Variants in CDYL observed in about 807,000 individuals in gnomAD.
CDYL encodes chromodomain Y-like protein.
A neutral mutation model predicts 47.3 loss-of-function variants in CDYL; 8 were observed. That is an observed-to-expected ratio of 0.17 (90% CI 0.10 to 0.31). CDYL has a LOEUF of 0.31. Among genes scored for constraint, CDYL ranks in the 10% least tolerant of loss-of-function variants. The pLI is 1.00. For synonymous variants in CDYL, 266 were observed against 265.0 expected (o/e 1.00, Z -0.04); for missense variants, 471 against 701.4 (o/e 0.67, Z 3.71).
chr6:4,889,223 T>C (rs1289937094), intron 1 of CDYL, among the ~76,000 whole-genome samples: 3 of 147,298 alleles, frequency 2.0e-5, no homozygotes, highest in Non-Finnish European at 4.5e-5. Context: ...TTTTCATACC[T>C]TTTTTTTTTT....
chr6:4,884,186 A>G (rs1761840308), intron 1 of CDYL, among the ~76,000 whole-genome samples: 1 of 152,344 alleles, frequency 6.6e-6, no homozygotes, highest in East Asian at 1.9e-4. Flanking sequence ...CACATCTTGT[A>G]TTATCCGTGT....
chr6:4,913,906 C>T (rs1033207944), intron 2 of CDYL, among the ~76,000 whole-genome samples: 44 of 152,366 alleles, frequency 2.9e-4, no homozygotes, highest in African/African-American at 1.0e-3. Context: ...CCGGGTCTAG[C>T]CTGTTGGCCA....
At chr6:4,850,413 G>A (rs913492237) in intron 1 of CDYL, among the ~76,000 whole-genome samples, 2 of 152,154 alleles carry the variant, frequency 1.3e-5, no homozygotes, top group South Asian at 2.1e-4. Flanking sequence ...ATGTTTTAGC[G>A]AAAAAGTTTA....
At position 4,892,245 on chromosome 6, in the gene CDYL, C is replaced by T. The variant is rs145170473; in HGVS notation, c.557C>T (p.Pro186Leu). ...GCACCCGAAGTGGCAGCGGAAAAGC[C>T]GGTCGGAGCTTTATTGGGCCCCGGT... ...TVAPEVAAEK[P>L]VGALLGPGAE... is the part of the protein sequence containing the mutation. The change falls in exon 2 of 7, where the codon CCG (proline) becomes CTG (leucine). Residue 186 changes from proline (P) to leucine (L), a missense_variant. Pro to Leu is a moderately conservative substitution (Grantham distance 98). This residue lies in a region of CDYL where 311 missense variants were observed against 350.0 expected (regional missense o/e 0.89). Coordinates refer to ENST00000397588, the MANE Select transcript of CDYL (RefSeq NM_004824.4). The T allele has an allele frequency of 1.6e-5, 26 of 1,614,086 alleles. No homozygotes were observed. The highest frequency in any genetic ancestry group is 4.0e-5 in the African/African-American group (3 of 74,924).
chr6:4,820,913 C>T (rs1759817084), intron 1 of CDYL, among the ~76,000 whole-genome samples: 1 of 152,226 alleles, frequency 6.6e-6, no homozygotes, highest in Admixed American at 6.5e-5. Context: ...CAGGCCTTGA[C>T]TCACATCTGG....
rs1220969716 is a variant in CDYL at position 4,788,480 on chromosome 6, C to CAAAAAAAAAAAAAAAAAA, written c.24+11678_24+11695dup. On this transcript the variant is annotated intron_variant, in intron 1 of 6. Transcript: ENST00000397588. The stretch of plus-strand genomic sequence containing the variant: ...CCTGGGTGACAGAGTGAGACTCTGT[C>CAAAAAAAAAAAAAAAAAA]AAAAAAAAAAAAAAAAAAAAAAGGC... Among the ~76,000 whole-genome samples the CAAAAAAAAAAAAAAAAAA allele has an allele frequency of 2.5e-3, 152 of 61,054 alleles. 2 individuals are homozygous for CAAAAAAAAAAAAAAAAAA. The highest frequency in any genetic ancestry group is 3.1e-3 in the Non-Finnish European group (113 of 36,222). The allele number at this position is 61,054 out of a possible 152,430, so 40.1% of individuals were successfully genotyped here. A position where few individuals can be genotyped will look rare whatever the true frequency, so the allele number is the denominator to read the frequency against.
At chr6:4,928,830 G>A (rs752317539) in intron 2 of CDYL, 1 of 151,744 alleles carries the variant, frequency 6.6e-6, no homozygotes, top group Non-Finnish European at 1.5e-5. Flanking sequence ...CCAAAGAATA[G>A]CCATTTTTTT....
intron 1 of CDYL, among the ~76,000 whole-genome samples, chr6:4,785,836 A>G (rs1293373483): frequency 6.6e-6 from 1 of 152,226 alleles, no homozygotes; most frequent in African/African-American, 2.4e-5. Flanking sequence ...TGCCAGAGGC[A>G]GGTGAATTGA....
intron 2 of CDYL, chr6:4,724,290 A>G (rs995965295): frequency 1.3e-5 from 2 of 151,658 alleles, no homozygotes; most frequent in African/African-American, 4.9e-5. Flanking sequence ...ACTTCATATA[A>G]TCCACCCACC....
intron 1 of CDYL, among the ~76,000 whole-genome samples, chr6:4,804,743 A>C (rs1215314043): frequency 6.6e-6 from 1 of 152,246 alleles, no homozygotes; most frequent in East Asian, 1.9e-4. Context: ...ACTCATGACC[A>C]GTGGTGGAAA....
chr6:4,928,420 C>G (rs1422076464), intron 2 of CDYL, among the ~76,000 whole-genome samples: 1 of 152,022 alleles, frequency 6.6e-6, no homozygotes, highest in Admixed American at 6.6e-5. Flanking sequence ...CTAAATAGTT[C>G]CCAGAATCTA....
intron 2 of CDYL, chr6:4,724,408 T>TA (rs1757448152): frequency 6.6e-6 from 1 of 152,234 alleles, no homozygotes; most frequent in South Asian, 2.1e-4. Context: ...TGTCAGGGCT[T>TA]ACCTTGATGG....
At chr6:4,788,496 A>AT (rs1471609680) in intron 1 of CDYL, among the ~76,000 whole-genome samples, 37 of 151,052 alleles carry the variant, frequency 2.4e-4, no homozygotes, top group African/African-American at 9.0e-4. Flanking sequence ...AAAAAAAAAA[A>AT]AAAAAAGGCT....
chr6:4,935,892 A>C, intron 3 of CDYL, 121 bp downstream of exon 3: 1 of 1,450,872 alleles, frequency 6.9e-7, no homozygotes, highest in Non-Finnish European at 9.3e-7. Context: ...CCATCTCCCG[A>C]TGCCCACCAG....
intron 1 of CDYL, among the ~76,000 whole-genome samples, chr6:4,778,813 C>A (rs983396651): frequency 3.9e-5 from 6 of 152,094 alleles, no homozygotes; most frequent in African/African-American, 9.7e-5. Context: ...GACTATGTTA[C>A]CATTGAAAGT....
chr6:4,720,078 A>C (rs902294779), intron 2 of CDYL, among the ~76,000 whole-genome samples: 25 of 152,228 alleles, frequency 1.6e-4, no homozygotes, highest in Admixed American at 9.2e-4. Context: ...CTAACCTTGC[A>C]AAGTGCATAT....
intron 1 of CDYL, among the ~76,000 whole-genome samples, chr6:4,818,794 T>C (rs1581187322): frequency 6.6e-6 from 1 of 152,336 alleles, no homozygotes; most frequent in Non-Finnish European, 1.5e-5. Flanking sequence ...GCATGAAAAC[T>C]GTGGATGTAA....
chr6:4,864,336 C>T (rs1366015868), intron 1 of CDYL, among the ~76,000 whole-genome samples: 2 of 152,106 alleles, frequency 1.3e-5, no homozygotes, highest in African/African-American at 4.8e-5. Flanking sequence ...GTCTAAACCA[C>T]ATTAGTTGTA....
At chr6:4,817,066 A>C (rs536843124) in intron 1 of CDYL, among the ~76,000 whole-genome samples, 1 of 152,234 alleles carries the variant, frequency 6.6e-6, no homozygotes, top group South Asian at 2.1e-4. Context: ...ACAACTAATA[A>C]ATATATTGTG....
Sources: allele counts gnomAD v4.1 joint callset (sites outside exome capture counted in the v4.1 genomes callset), GRCh38; gene constraint gnomAD v4.1.1; regional missense constraint gnomAD v4.1.1; transcripts MANE v1.5; gene names NCBI Gene and HGNC (gene_info 2026-07-23, HGNC 2026-07-21).